DPP10: variants seen among roughly 807,000 people sequenced by gnomAD.
DPP10 encodes dipeptidyl peptidase like 10.
DPP10 carries 33 observed loss-of-function variants against 120.9 expected under a neutral mutation model. The observed-to-expected ratio is 0.27, with a 90% CI of 0.21 to 0.37. The LOEUF (loss-of-function observed/expected upper bound fraction) is 0.37, where lower values mean the gene tolerates loss of function less well. Among genes scored for constraint, DPP10 ranks in the 10% least tolerant of loss-of-function variants. DPP10 has a pLI of 1.00. For missense variants in DPP10, 816 were observed against 942.8 expected (o/e 0.87, Z 1.76); for synonymous variants, 337 against 326.1 (o/e 1.03, Z -0.36).
chr2:115,152,761 A>G (rs115268080), intron 1 of DPP10, among the ~76,000 whole-genome samples: 261 of 152,286 alleles, frequency 1.7e-3, no homozygotes, highest in African/African-American at 6.0e-3. Context: ...CACAGGATCT[A>G]GACTGCACCA....
intron 1 of DPP10, among the ~76,000 whole-genome samples, chr2:114,798,218 T>C (rs1683882224): frequency 6.6e-6 from 1 of 151,970 alleles, no homozygotes; most frequent in Non-Finnish European, 1.5e-5. Context: ...GTGGGGAGCA[T>C]TCATGGAAAA....
intron 1 of DPP10, among the ~76,000 whole-genome samples, chr2:114,797,857 A>G (rs945160375): frequency 1.3e-5 from 2 of 152,186 alleles, no homozygotes; most frequent in Admixed American, 1.3e-4. Flanking sequence ...GTCAAAGAAT[A>G]TAGTAAGAAA....
At chr2:114,943,121 C>T (rs1430679038) in intron 1 of DPP10, among the ~76,000 whole-genome samples, 2 of 152,128 alleles carry the variant, frequency 1.3e-5, no homozygotes, top group African/African-American at 4.8e-5. Flanking sequence ...CATTGTTCAG[C>T]TCTCACTTAC....
intron 11 of DPP10, among the ~76,000 whole-genome samples, chr2:115,756,783 C>T (rs1044246448): frequency 2.6e-5 from 4 of 152,002 alleles, no homozygotes; most frequent in Admixed American, 6.6e-5. Flanking sequence ...CTTATTGACT[C>T]ACAGTTTTGG....
At chr2:114,820,037 G>A (rs1401976846) in intron 1 of DPP10, among the ~76,000 whole-genome samples, 2 of 152,178 alleles carry the variant, frequency 1.3e-5, no homozygotes, top group East Asian at 3.9e-4. Flanking sequence ...AATTTTGATT[G>A]AGTGGCTGTT....
chr2:114,739,623 C>A (rs138913362), intron 1 of DPP10, among the ~76,000 whole-genome samples: 1 of 152,276 alleles, frequency 6.6e-6, no homozygotes, highest in East Asian at 1.9e-4. Context: ...TGAGCCACTG[C>A]ACTCCAGCCT....
chr2:114,496,548 C>T (rs1048995340), intron 1 of DPP10, among the ~76,000 whole-genome samples: 4 of 152,036 alleles, frequency 2.6e-5, no homozygotes, highest in Non-Finnish European at 2.9e-5. Context: ...AAGTCTCTCT[C>T]GGGCCTCTTT....
chr2:115,382,742 T>C (rs924533827), intron 3 of DPP10, among the ~76,000 whole-genome samples: 1 of 152,258 alleles, frequency 6.6e-6, no homozygotes, highest in African/African-American at 2.4e-5. Context: ...GTTTTTCCCT[T>C]ATTGCCACTT....
At chr2:115,116,340 C>G (rs2049503329) in intron 1 of DPP10, among the ~76,000 whole-genome samples, 1 of 152,102 alleles carries the variant, frequency 6.6e-6, no homozygotes. Context: ...ATTGAAAACG[C>G]TAATTATTTA....
intron 1 of DPP10, among the ~76,000 whole-genome samples, chr2:114,571,973 A>G (rs1689690808): frequency 6.7e-6 from 1 of 148,846 alleles, no homozygotes; most frequent in Non-Finnish European, 1.5e-5. Context: ...TGTATATATT[A>G]TGTATATGTA....
At chr2:114,720,697 G>C (rs1357786620) in intron 1 of DPP10, among the ~76,000 whole-genome samples, 5 of 152,202 alleles carry the variant, frequency 3.3e-5, no homozygotes. Context: ...GAAATGACTA[G>C]TGCTCACCCA....
At chr2:114,753,633 G>A (rs1168158803) in intron 1 of DPP10, among the ~76,000 whole-genome samples, 2 of 152,052 alleles carry the variant, frequency 1.3e-5, no homozygotes, top group Non-Finnish European at 2.9e-5. Flanking sequence ...AAATGGGCTG[G>A]GCGCGGTGGC....
At chr2:115,225,290 G>C (rs1325413801) in intron 1 of DPP10, among the ~76,000 whole-genome samples, 1 of 152,004 alleles carries the variant, frequency 6.6e-6, no homozygotes, top group Non-Finnish European at 1.5e-5. Flanking sequence ...TTGCAGAGAC[G>C]CAGAACAGGT....
At chr2:115,338,581 C>T (rs1182102738) in intron 2 of DPP10, among the ~76,000 whole-genome samples, 1 of 152,066 alleles carries the variant, frequency 6.6e-6, no homozygotes, top group Admixed American at 6.6e-5. Flanking sequence ...CTGCCTCAGC[C>T]TCCCAAGCAG....
At chr2:114,736,527 A>T (rs1218145928) in intron 1 of DPP10, among the ~76,000 whole-genome samples, 1 of 152,228 alleles carries the variant, frequency 6.6e-6, no homozygotes, top group African/African-American at 2.4e-5. Flanking sequence ...ATAAAATAAA[A>T]CATTCAATTT....
chr2:114,461,700 G>T (rs1338949012), intron 1 of DPP10: 6 of 985,280 alleles, frequency 6.1e-6, no homozygotes, highest in Non-Finnish European at 7.2e-6. Flanking sequence ...TTGATCAGCC[G>T]TCTGCACTTA....
intron 1 of DPP10, among the ~76,000 whole-genome samples, chr2:115,060,774 T>C (rs1193978284): frequency 1.3e-5 from 2 of 152,194 alleles, no homozygotes; most frequent in African/African-American, 4.8e-5. Flanking sequence ...CCCTTTATCC[T>C]GGGTTATCAG....
intron 21 of DPP10, among the ~76,000 whole-genome samples, chr2:115,822,203 C>A (rs1004867697): frequency 6.6e-6 from 1 of 151,960 alleles, no homozygotes; most frequent in Non-Finnish European, 1.5e-5. Context: ...TCAGACTGTG[C>A]AACTTACACT....
At chr2:114,882,724 T>G (rs1275442819) in intron 1 of DPP10, among the ~76,000 whole-genome samples, 1 of 152,212 alleles carries the variant, frequency 6.6e-6, no homozygotes, top group East Asian at 1.9e-4. Flanking sequence ...CCTCATAATC[T>G]AATGCCAAGA....
Sources: allele counts gnomAD v4.1 joint callset (sites outside exome capture counted in the v4.1 genomes callset), GRCh38; gene constraint gnomAD v4.1.1; transcripts MANE v1.5; gene names NCBI Gene and HGNC (gene_info 2026-07-23, HGNC 2026-07-21).